Variants in PDCD6 observed in about 807,000 individuals in gnomAD.
The protein encoded by PDCD6 is programmed cell death protein 6.
In PDCD6, 12 loss-of-function variants were observed where a neutral mutation model predicts 28.3. That is an observed-to-expected ratio of 0.42 (90% confidence interval 0.27 to 0.69). The LOEUF (loss-of-function observed/expected upper bound fraction) is 0.69. PDCD6 is among the 30% of genes least tolerant of loss of function. The pLI is 0.22. For missense variants in PDCD6, 226 were observed against 269.9 expected (o/e 0.84, Z 1.14); for synonymous variants, 92 against 108.0 (o/e 0.85, Z 0.92).
In PDCD6 at chr5:285,978, G is replaced by A. The variant is rs367903879; in HGVS notation, c.163+13206G>A. On this transcript the variant is annotated intron_variant, in intron 2 of 5. Coordinates refer to ENST00000264933, the MANE Select transcript of PDCD6 (RefSeq NM_013232.4). The stretch of plus-strand genomic sequence containing the variant: ...TAGCTGATGTTCCAGTTTGAGGGCC[G>A]TGCAGCTGGAGACCCAGGTGGGAGC... Among the ~76,000 whole-genome samples the A allele has an allele frequency of 1.6e-3, 241 of 150,612 alleles. 6 individuals carry two copies. In the South Asian group the frequency reaches 0.044, roughly 27 times the overall value.
At chr5:293,432 C>G (rs1352124599) in intron 2 of PDCD6, among the ~76,000 whole-genome samples, 1 of 85,734 alleles carries the variant, frequency 1.2e-5, no homozygotes, top group African/African-American at 3.6e-5. Flanking sequence ...GGGAACAGCA[C>G]GAGGCACTGG....
intron 2 of PDCD6, among the ~76,000 whole-genome samples, chr5:285,243 G>T (rs781562954): frequency 1.6e-4 from 24 of 151,620 alleles, no homozygotes; most frequent in Non-Finnish European, 2.9e-4. Flanking sequence ...TCAGGAGGAA[G>T]CTGATGTTCC....
At chr5:301,197 A>C (rs931518850) in intron 2 of PDCD6, among the ~76,000 whole-genome samples, 3 of 152,160 alleles carry the variant, frequency 2.0e-5, no homozygotes, top group African/African-American at 4.8e-5. Flanking sequence ...AGAGGAGAAG[A>C]AGCTCATGGC....
chr5:276,589 T>G, intron 2 of PDCD6: 1 of 982,604 alleles, frequency 1.0e-6, no homozygotes, highest in Non-Finnish European at 1.2e-6. Flanking sequence ...CTAATATGAT[T>G]GAAATTAGTT....
chr5:280,541 T>TA (rs1328260142), intron 2 of PDCD6, among the ~76,000 whole-genome samples: 1 of 126,264 alleles, frequency 7.9e-6, no homozygotes, highest in African/African-American at 3.1e-5. Flanking sequence ...AGCTGGCATT[T>TA]AAGAGGGGAG....
At chr5:275,315 G>A (rs551563055) in intron 2 of PDCD6, among the ~76,000 whole-genome samples, 10 of 152,326 alleles carry the variant, frequency 6.6e-5, no homozygotes, top group South Asian at 2.1e-4. Context: ...CATGAAGCCC[G>A]TAGTCACTGT....
chr5:307,201 ACGCGTGCCC>A lies in PDCD6; in HGVS notation c.367+442_367+450del. ...CGCCTCAGAAGGGGCGTTAGGCAGAACGCGTGCCCATTCTCAGGTGTGCTCGGCGTGTGT... is the reference window on the plus strand; with the variant it reads ...CGCCTCAGAAGGGGCGTTAGGCAGAAATTCTCAGGTGTGCTCGGCGTGTGT... On this transcript the variant is annotated intron_variant, in intron 4 of 5. Coordinates refer to ENST00000264933, the MANE Select transcript of PDCD6 (RefSeq NM_013232.4). The surrounding 1 kb of genome is among the most constrained non-coding windows in gnomAD (Gnocchi z 6.1). Among the ~76,000 whole-genome samples, 1 of 151,076 alleles carries A rather than the reference ACGCGTGCCC, an allele frequency of 6.6e-6. No individual in the cohort carries two copies. The highest frequency in any genetic ancestry group is 2.5e-5 in the African/African-American group (1 of 40,692).
intron 5 of PDCD6, 122 bp downstream of exon 5, chr5:311,524 A>G: frequency 3.0e-6 from 2 of 665,588 alleles, no homozygotes; most frequent in Non-Finnish European, 5.3e-6. Flanking sequence ...TGGAGCTTAT[A>G]AAAGTGAGTC....
chr5:298,235 G>C (rs1306355237), intron 2 of PDCD6, among the ~76,000 whole-genome samples: 2 of 152,246 alleles, frequency 1.3e-5, no homozygotes. Context: ...TCTGAGGGGT[G>C]CCTGGAACAT....
chr5:290,868 G>T (rs1739272059), intron 2 of PDCD6, among the ~76,000 whole-genome samples: 2 of 152,208 alleles, frequency 1.3e-5, no homozygotes, highest in Non-Finnish European at 2.9e-5. Flanking sequence ...GTGGATGGAA[G>T]CTCATGAATG....
At chr5:311,085 A>G (rs1057379685) in intron 4 of PDCD6, 2 of 534,224 alleles carry the variant, frequency 3.7e-6, no homozygotes, top group Non-Finnish European at 6.8e-6. Flanking sequence ...GGGTCACTCC[A>G]TGCACTGGGG....
chr5:288,292 T>TAATATATA (rs56208909), intron 2 of PDCD6, among the ~76,000 whole-genome samples: 61 of 107,110 alleles, frequency 5.7e-4, no homozygotes, highest in African/African-American at 1.5e-3. Flanking sequence ...AATATATATA[T>TAATATATA]TATATATATA....
Position 271,665 on chromosome 5 carries a change from G to C in PDCD6, c.-56G>C. On this transcript the variant is annotated 5_prime_UTR_variant, in exon 1 of 6. Transcript: ENST00000264933. ...CCCGGCAGAGGCGGAAGCGGAGTCG[G>C]CCTGAGAGGTCTCTCGTCGCTGCAG... 3 of 1,026,600 alleles carry C rather than the reference G, an allele frequency of 2.9e-6. No homozygotes were observed. Among genetic ancestry groups the C allele is most frequent in the Non-Finnish European group, 2.9e-6 (2 of 684,974 alleles). The allele number at this position is 1,026,600 out of a possible 1,614,324, so 63.6% of individuals were successfully genotyped here.
At chr5:288,807 AT>A (rs1300987327) in intron 2 of PDCD6, 2 of 1,203,016 alleles carry the variant, frequency 1.7e-6, no homozygotes, top group African/African-American at 3.1e-5. Context: ...TGTATGTAAA[AT>A]ACTGCATCTA....
At chr5:283,231 A>T (rs954221749) in intron 2 of PDCD6, among the ~76,000 whole-genome samples, 1 of 150,898 alleles carries the variant, frequency 6.6e-6, no homozygotes, top group South Asian at 2.1e-4. Flanking sequence ...GGAGGAGCTG[A>T]TGTTGTAGTT....
chr5:311,521 T>TA lies in PDCD6; in HGVS notation c.477+120dup, dbSNP rs1740915600. The TA allele has an allele frequency of 4.5e-6, 3 of 673,446 alleles. 1 individual carries two copies. The South Asian group carries it at 5.4e-5, about 12-fold the overall frequency. The allele number at this position is 673,446 out of a possible 1,614,324, so 41.7% of individuals were successfully genotyped here. A position where few individuals can be genotyped will look rare whatever the true frequency, so the allele number is the denominator to read the frequency against. On this transcript the variant is annotated intron_variant, in intron 5 of 5. Coordinates refer to ENST00000264933, the MANE Select transcript of PDCD6 (RefSeq NM_013232.4). ...ATGTGTAGAATTAGTTTTTGGAGCT[T>TA]ATAAAAGTGAGTCTCATCTTTGGAG...
At chr5:281,042 G>T (rs746763759) in intron 2 of PDCD6, among the ~76,000 whole-genome samples, 9 of 152,258 alleles carry the variant, frequency 5.9e-5, no homozygotes, top group Non-Finnish European at 1.3e-4. Flanking sequence ...AGAGAAATAA[G>T]ATCGCATCTA....
intron 2 of PDCD6, among the ~76,000 whole-genome samples, chr5:297,096 C>T (rs1409976690): frequency 2.0e-5 from 3 of 152,200 alleles, no homozygotes; most frequent in African/African-American, 7.2e-5. Context: ...TCGCAGGCCT[C>T]CCAGATGAAT....
chr5:290,132 G>T (rs1739230788), intron 2 of PDCD6: 1 of 1,586,816 alleles, frequency 6.3e-7, no homozygotes, highest in South Asian at 1.1e-5. Context: ...CTTGGCTCAG[G>T]AGCTGAAGTT....
Sources: allele counts gnomAD v4.1 joint callset (sites outside exome capture counted in the v4.1 genomes callset), GRCh38; gene constraint gnomAD v4.1.1; non-coding constraint Gnocchi (gnomAD v3.1); transcripts MANE v1.5; gene names NCBI Gene and HGNC (gene_info 2026-07-23, HGNC 2026-07-21).